MCPH1: variants seen among roughly 807,000 people sequenced by gnomAD.
MCPH1 encodes the protein microcephalin 1.
A neutral mutation model predicts 84.5 loss-of-function variants in MCPH1; 104 were observed. The observed-to-expected ratio is 1.23, with a 90% CI of 1.05 to 1.45. MCPH1 has a LOEUF of 1.45. MCPH1 is among the 40% of genes most tolerant of loss of function. MCPH1 has a pLI of 0.00. For missense variants in MCPH1, 1,498 were observed against 1,005.7 expected, an observed-to-expected ratio of 1.49 and a Z score of -6.62; for synonymous variants, 514 against 366.8, an observed-to-expected ratio of 1.40 and a Z score of -4.58.
intron 12 of MCPH1, among the ~76,000 whole-genome samples, chr8:6,566,041 C>T (rs1182034390): frequency 6.6e-6 from 1 of 152,152 alleles, no homozygotes; most frequent in African/African-American, 2.4e-5. Flanking sequence ...CGGCCACCAT[C>T]GCCACCACTC....
chr8:6,632,785 G>A (rs1230348646), intron 13 of MCPH1, among the ~76,000 whole-genome samples: 1 of 151,916 alleles, frequency 6.6e-6, no homozygotes, highest in Non-Finnish European at 1.5e-5. Flanking sequence ...CTCCAGCCTA[G>A]GCAACAGAGT....
chr8:6,497,158 A>G (rs1811328631), intron 11 of MCPH1, among the ~76,000 whole-genome samples: 1 of 152,108 alleles, frequency 6.6e-6, no homozygotes, highest in Non-Finnish European at 1.5e-5. Context: ...TTGATCAGTC[A>G]GAAATTTGTA....
rs779153804 is a variant in MCPH1 at position 6,643,738 on chromosome 8, G to C, written c.*689G>C. On this transcript the variant is annotated 3_prime_UTR_variant, in exon 14 of 14. Coordinates refer to ENST00000344683, the MANE Select transcript of MCPH1 (RefSeq NM_024596.5). ...AGGAAAGACATTTGTCAGCTATTAA[G>C]GTGACTTTTATCTAGCGGAGATTCC... 7.9e-5 allele frequency: 12 copies of C among 152,600 alleles called. No individual in the cohort carries two copies. Among genetic ancestry groups the C allele is most frequent in the Non-Finnish European group, 1.3e-4 (9 of 68,538 alleles). 9.5% of individuals were successfully genotyped at this position (152,600 alleles called of 1,614,324 possible). A position where few individuals can be genotyped will look rare whatever the true frequency, so the allele number is the denominator to read the frequency against.
chr8:6,515,186 C>T lies in MCPH1; in HGVS notation c.2214+15257C>T, dbSNP rs761984173. Reference sequence around the variant, plus strand: ...AAAACCATTGACTTGTGTTCACAGCCTTGAAACCTTTCACTAAATGCCAGC... The same window carrying T: ...AAAACCATTGACTTGTGTTCACAGCTTTGAAACCTTTCACTAAATGCCAGC... On this transcript the variant is annotated intron_variant, in intron 12 of 13. Coordinates refer to ENST00000344683, the MANE Select transcript of MCPH1 (RefSeq NM_024596.5). Among the ~76,000 whole-genome samples the T allele has an allele frequency of 2.0e-5, 3 of 148,912 alleles. No homozygotes were observed. In the East Asian group the frequency reaches 5.9e-4, roughly 29 times the overall value.
rs757082597 is a variant in MCPH1, at chr8:6,406,650, C to A, written c.-18C>A. 6.2e-7 allele frequency: 1 copy of A among 1,611,532 alleles called. No homozygotes were observed. Among genetic ancestry groups the A allele is most frequent in the South Asian group, 1.1e-5 (1 of 90,772 alleles). On this transcript the variant is annotated 5_prime_UTR_variant, in exon 1 of 14. Coordinates refer to ENST00000344683, the MANE Select transcript of MCPH1 (RefSeq NM_024596.5). ...GCAAGCACCGCGTAGGCCAGCTGGC[C>A]GGATCCCGCCGTCTGTCATGGCGGC...
intron 12 of MCPH1, among the ~76,000 whole-genome samples, chr8:6,605,352 A>G (rs1012307762): frequency 2.0e-5 from 3 of 152,204 alleles, no homozygotes; most frequent in African/African-American, 7.2e-5. Context: ...TGTTTCACCC[A>G]GGGGTGAGTT....
chr8:6,406,737 G>A (rs952095926), intron 1 of MCPH1, 48 bp downstream of exon 1: 4 of 1,603,376 alleles, frequency 2.5e-6, no homozygotes, highest in Non-Finnish European at 3.4e-6. Flanking sequence ...TTTGAGGACC[G>A]GCACCCCTCG....
chr8:6,614,008 C>G (rs573369172), intron 12 of MCPH1, among the ~76,000 whole-genome samples: 2 of 152,282 alleles, frequency 1.3e-5, no homozygotes, highest in Admixed American at 6.5e-5. Context: ...GGTCCACAGG[C>G]TGCAGACATC....
intron 11 of MCPH1, among the ~76,000 whole-genome samples, chr8:6,483,462 G>T (rs1017677339): frequency 6.6e-6 from 1 of 152,200 alleles, no homozygotes; most frequent in African/African-American, 2.4e-5. Flanking sequence ...TGTGGTATTG[G>T]TGGACACACA....
intron 13 of MCPH1, among the ~76,000 whole-genome samples, chr8:6,622,887 A>G (rs1831612468): frequency 6.6e-6 from 1 of 151,940 alleles, no homozygotes. Flanking sequence ...GTCACCCAGG[A>G]TGGAGTGCAG....
At chr8:6,419,745 C>G (rs1395013487) in intron 3 of MCPH1, among the ~76,000 whole-genome samples, 3 of 152,028 alleles carry the variant, frequency 2.0e-5, no homozygotes, top group Non-Finnish European at 4.4e-5. Context: ...GTGATCCACT[C>G]ACTCCAGCCT....
At chr8:6,562,833 A>T in intron 12 of MCPH1, 1 of 1,613,734 alleles carries the variant, frequency 6.2e-7, no homozygotes, top group Non-Finnish European at 8.5e-7. Context: ...GCTGGACCTG[A>T]TATTGCTTCT....
chr8:6,608,694 A>G (rs919404164), intron 12 of MCPH1, among the ~76,000 whole-genome samples: 7 of 152,176 alleles, frequency 4.6e-5, no homozygotes, highest in Non-Finnish European at 8.8e-5. Context: ...GTATACTTCA[A>G]TCAGAATGCT....
intron 9 of MCPH1, among the ~76,000 whole-genome samples, chr8:6,473,348 T>A (rs1487928924): frequency 1.3e-5 from 1 of 74,634 alleles, no homozygotes; most frequent in Non-Finnish European, 2.8e-5. Flanking sequence ...TTTTTTTTTT[T>A]GAGACGGAGT....
At chr8:6,543,862 A>G (rs915036338) in intron 12 of MCPH1, among the ~76,000 whole-genome samples, 1 of 152,208 alleles carries the variant, frequency 6.6e-6, no homozygotes, top group African/African-American at 2.4e-5. Context: ...GGAGCTGTAC[A>G]TCTGCCTGGG....
At chr8:6,496,643 G>C (rs1811265290) in intron 11 of MCPH1, among the ~76,000 whole-genome samples, 1 of 151,682 alleles carries the variant, frequency 6.6e-6, no homozygotes, top group Non-Finnish European at 1.5e-5. Context: ...CGGTATGCTT[G>C]GATAAGGCTG....
At chr8:6,562,571 T>TTTTTTTTTTTTTTTTTTTTTTTTAAAAAA in intron 12 of MCPH1, 1 of 417,078 alleles carries the variant, frequency 2.4e-6, no homozygotes, top group Non-Finnish European at 4.0e-6. Flanking sequence ...TTTTTTTTTT[T>TTTTTTTTTTTTTTTTTTTTTTTTAAAAAA]GGTTGTTAAA....
chr8:6,459,937 T>G (rs957813329), intron 9 of MCPH1, among the ~76,000 whole-genome samples: 15 of 152,196 alleles, frequency 9.9e-5, no homozygotes, highest in African/African-American at 3.6e-4. Flanking sequence ...CGGGGATGGA[T>G]GCAGAACCGC....
intron 13 of MCPH1, among the ~76,000 whole-genome samples, chr8:6,624,297 G>A (rs1418585583): frequency 6.6e-6 from 1 of 152,210 alleles, no homozygotes; most frequent in Non-Finnish European, 1.5e-5. Flanking sequence ...CACCAATTAT[G>A]CCATCTGCCT....
Sources: gnomAD v4.1 joint callset for allele counts (sites outside exome capture counted in the v4.1 genomes callset) on GRCh38, gnomAD v4.1.1 for gene constraint, MANE v1.5 for transcripts, NCBI Gene and HGNC (gene_info 2026-07-23, HGNC 2026-07-21) for gene names.